FLNA: variants seen among roughly 807,000 people sequenced by gnomAD.
FLNA encodes filamin-A.
FLNA carries 7 observed loss-of-function variants against 157.6 expected under a neutral mutation model. The ratio of observed to expected loss-of-function variants is 0.04; its 90% CI spans 0.03 to 0.08. The LOEUF is 0.08. Among genes scored for constraint, FLNA ranks in the 10% least tolerant of loss-of-function variants. The pLI, the probability that FLNA is intolerant of heterozygous loss-of-function variation, is 1.00. For missense variants in FLNA, 1,750 were observed against 2,398.4 expected, an observed-to-expected ratio of 0.73 and a Z score of 5.65; for synonymous variants, 1,103 against 1,060.8, an observed-to-expected ratio of 1.04 and a Z score of -0.77.
chrX:154,357,307 G>A (rs782541139), intron 29 of FLNA, 33 bp from the exon 30 acceptor site: 2 of 1,206,505 alleles, frequency 1.7e-6, no homozygotes, highest in Non-Finnish European at 2.2e-6. Context: ...AAGGAGAAAG[G>A]TCAGGTGAGT....
chrX:154,354,391 G>A lies in FLNA; in HGVS notation c.5406C>T (p.Gly1802=), dbSNP rs782099907. ...DLVIPFTIKK[G]EITGEVRMPS... ...CAAGTCCCCACTCACCTGTGATCTC[G>A]CCCTTCTTGATGGTGAAGGGGATGA... The change falls in exon 33 of 48, where the codon GGC becomes GGT. Residue 1802 remains glycine (G), a synonymous_variant. Transcript: ENST00000369850. The A allele has an allele frequency of 8.3e-6, 10 of 1,210,920 alleles. No individual in the cohort carries two copies. The East Asian group carries it at 8.9e-5, about 11-fold the overall frequency.
intron 25 of FLNA, 38 bp from the exon 26 acceptor site, chrX:154,359,192 CAG>C: frequency 8.3e-7 from 1 of 1,211,056 alleles, no homozygotes. Flanking sequence ...CTGTATGAGA[CAG>C]GGTGGGGACG....
Position 154,354,015 on chromosome X carries a change from G to A in FLNA, c.5586C>T (p.Tyr1862=), listed in dbSNP as rs782051964. ...AGGCAGTGACATGGCCACAGTTGAC[G>A]TAATCCACATAGAACTGCAAGGGGC... ...PGSPLQFYVD[Y]VNCGHVTAYG... Residue 1862 remains tyrosine (Y), a synonymous_variant, in exon 35 of 48, where the codon TAC becomes TAT. Transcript: ENST00000369850. 1.8e-5 allele frequency: 22 copies of A among 1,210,730 alleles called. No individual in the cohort carries two copies. The highest frequency in any genetic ancestry group is 1.1e-4 in the South Asian group (6 of 56,909).
chrX:154,358,183 T>G lies in FLNA; in HGVS notation c.4755+16A>C, dbSNP rs1557177215. On this transcript the variant is annotated intron_variant, in intron 28 of 47. Transcript: ENST00000369850. The stretch of plus-strand genomic sequence containing the variant: ...CCCAGGCCCCCCTGCCTCCCCTGCC[T>G]GTGCCCGGAGCTCACCGTGATCTGG... 1 of 1,209,040 alleles carries G rather than the reference T, an allele frequency of 8.3e-7. No homozygotes were observed. Among genetic ancestry groups the G allele is most frequent in the African/African-American group, 1.7e-5 (1 of 57,747 alleles).
Position 154,353,345 on chromosome X carries a change from C to T in FLNA, c.5973G>A (p.Ser1991=), listed in dbSNP as rs375252292. 6.0e-5 allele frequency: 73 copies of T among 1,210,658 alleles called. No individual in the cohort carries two copies. The highest frequency in any genetic ancestry group is 3.5e-4 in the African/African-American group (20 of 57,514). The change falls in exon 37 of 48, where the codon TCG becomes TCA. Residue 1991 remains serine, a synonymous_variant. Transcript: ENST00000369850. ...TCAGCAAACAGGGCTCCTCCCGGCCCGAGGGCGGGACCACAGTGGCCGTCA... is the reference window on the plus strand; with the variant it reads ...TCAGCAAACAGGGCTCCTCCCGGCCTGAGGGCGGGACCACAGTGGCCGTCA... ...SLLTATVVPP[S]GREEPCLLKR... is the part of the protein sequence containing the mutation.
rs782244139 is a variant in FLNA at position 154,371,179 on chromosome X, T to C, written c.67A>G (p.Thr23Ala). ...GTGGCCGGCATCTCGGCGTCCCGCG[T>C]GTCGACGCCGCCGCCCGGAGCCGCG... is the stretch of plus-strand genomic sequence containing the variant. ...AGAAPGGGVD[T>A]RDAEMPATEK... The change falls in exon 2 of 48, where the codon ACG becomes GCG. Residue 23 changes from threonine (T) to alanine (A), a missense_variant. By Grantham distance (58) the Thr-to-Ala change is moderately conservative. Around this residue, in one of 5 missense-constraint regions of FLNA, gnomAD observed 58 missense variants for 27.8 expected, o/e 2.09. Coordinates refer to ENST00000369850, the MANE Select transcript of FLNA (RefSeq NM_001110556.2). The C allele has an allele frequency of 3.4e-5, 41 of 1,193,854 alleles. No individual in the cohort carries two copies. The highest frequency in any genetic ancestry group is 4.2e-5 in the Non-Finnish European group (37 of 887,374).
chrX:154,367,533 G>A lies in FLNA; in HGVS notation c.732C>T (p.Pro244=), dbSNP rs371092631. 237 of 1,209,898 alleles carry A rather than the reference G, an allele frequency of 2.0e-4. No homozygotes were observed. The Middle Eastern group carries it at 3.0e-3, about 15-fold the overall frequency. The part of the protein sequence containing the change: ...DWLGIPQVIT[P]EEIVDPNVDE... ...CCACGTTGGGGTCCACAATCTCCTC[G>A]GGGGTGATCACCTGTCACAGGCAGA... The change falls in exon 5 of 48, where the codon CCC becomes CCT. Residue 244 remains proline, a synonymous_variant. Coordinates refer to ENST00000369850, the MANE Select transcript of FLNA (RefSeq NM_001110556.2).
Position 154,359,417 on chromosome X carries a change from C to T in FLNA, c.4143-11G>A. The T allele has an allele frequency of 8.3e-7, 1 of 1,211,792 alleles. No homozygotes were observed. The highest frequency in any genetic ancestry group is 1.8e-5 in the South Asian group (1 of 57,053). ...CCCGTGCCAGCTCCCCTGGTCCAAA[C>T]AGACAGCCGGTCATTCCTGGGGTTC... On this transcript the variant is annotated splice_polypyrimidine_tract_variant and intron_variant, in intron 24 of 47. Transcript: ENST00000369850.
intron 29 of FLNA, 75 bp downstream of exon 29, chrX:154,357,359 C>T: frequency 8.4e-7 from 1 of 1,193,958 alleles, no homozygotes; most frequent in Admixed American, 2.2e-5. Context: ...CCGCCCCAAG[C>T]AGCGAGCCCT....
Position 154,348,794 on chromosome X carries a change from G to A in FLNA, c.*55C>T. On this transcript the variant is annotated 3_prime_UTR_variant, in exon 48 of 48. Transcript: ENST00000369850. ...CCGGGGTTGAGGGGAAGAGGGCGGG[G>A]CTGCTTGGGTAGCGGGGCAGGCTTG... 3.6e-6 allele frequency: 4 copies of A among 1,118,414 alleles called. No individual in the cohort carries two copies. Among genetic ancestry groups the A allele is most frequent in the East Asian group, 3.0e-5 (1 of 33,127 alleles). The allele number at this position is 1,118,414 out of a possible 1,213,427, so 92.2% of individuals were successfully genotyped here. A position where few individuals can be genotyped will look rare whatever the true frequency, so the allele number is the denominator to read the frequency against.
intron 21 of FLNA, 60 bp downstream of exon 21, chrX:154,361,247 CT>C: frequency 8.8e-7 from 1 of 1,138,458 alleles, no homozygotes; most frequent in South Asian, 1.8e-5. Context: ...GATGGGGTAC[CT>C]TTGGGGCCCT....
In FLNA at chrX:154,350,266, G is replaced by A. The variant is rs782757281; in HGVS notation, c.7157-59C>T. 210 of 1,066,243 alleles carry A rather than the reference G, an allele frequency of 2.0e-4. No homozygotes were observed. The African/African-American group carries it at 3.6e-3, about 18-fold the overall frequency. The allele number at this position is 1,066,243 out of a possible 1,213,427, so 87.9% of individuals were successfully genotyped here. A position where few individuals can be genotyped will look rare whatever the true frequency, so the allele number is the denominator to read the frequency against. The stretch of plus-strand genomic sequence containing the variant: ...GCCCCTCCTCAAACCAGCAGATGGT[G>A]TCTGTGAGGAACAGCCTCAACCCTG... On this transcript the variant is annotated intron_variant, in intron 44 of 47. Coordinates refer to ENST00000369850, the MANE Select transcript of FLNA (RefSeq NM_001110556.2).
chrX:154,358,927 G>A, intron 26 of FLNA, 57 bp downstream of exon 26: 17 of 1,169,753 alleles, frequency 1.5e-5, no homozygotes, highest in African/African-American at 7.0e-5. Flanking sequence ...TCCTTTCCCG[G>A]CCCTCAAACA....
Position 154,366,610 on chromosome X carries a change from G to A in FLNA, c.1017C>T (p.Asn339=). 1.7e-6 allele frequency: 2 copies of A among 1,211,942 alleles called. No individual in the cohort carries two copies. The highest frequency in any genetic ancestry group is 2.3e-4 in the Middle Eastern group (1 of 4,352). The change falls in exon 7 of 48, where the codon AAC becomes AAT. Residue 339 remains asparagine (N), a synonymous_variant. Transcript: ENST00000369850. ...GGACGTACCAGACGGAGAAGGTGCG[G>A]TTCTTGTCGTTATTGGCGGTCACTT... ...EAKVTANNDK[N]RTFSVWYVPE...
rs782211275 is a variant in FLNA, at chrX:154,361,777, C to T, written c.2837G>A (p.Gly946Asp). The change falls in exon 20 of 48, where the codon GGC (glycine) becomes GAC (aspartate). Residue 946 changes from glycine (G) to aspartate (D), a missense_variant. By Grantham distance (94) the Gly-to-Asp change is moderately conservative (BLOSUM62 -1). This residue lies in a region of FLNA where 648 missense variants were observed against 805.8 expected (regional missense o/e 0.80). Coordinates refer to ENST00000369850, the MANE Select transcript of FLNA (RefSeq NM_001110556.2). ...KYTPVQQGPV[G>D]VNVTYGGDPI... Reference sequence around the variant, plus strand: ...ATCCCCTCCATAAGTGACATTGACGCCTACTGGACCCTGGGAAGGGTGCAG... The same window carrying T: ...ATCCCCTCCATAAGTGACATTGACGTCTACTGGACCCTGGGAAGGGTGCAG... 8.3e-7 allele frequency: 1 copy of T among 1,200,034 alleles called. No homozygotes were observed. The highest frequency in any genetic ancestry group is 1.8e-5 in the South Asian group (1 of 56,628).
rs782636867 is a variant in FLNA, at chrX:154,362,898, GGCA to G, written c.2281-117_2281-115del. The G allele has an allele frequency of 1.4e-5, 12 of 861,424 alleles. No individual in the cohort carries two copies. The African/African-American group carries it at 2.4e-4, about 17-fold the overall frequency. 71.0% of individuals were successfully genotyped at this position (861,424 alleles called of 1,213,427 possible). A position where few individuals can be genotyped will look rare whatever the true frequency, so the allele number is the denominator to read the frequency against. The stretch of plus-strand genomic sequence containing the variant: ...GGTCCAGCTGCCTTGGGAAGAGTCT[GGCA>G]GTTCCTCAGTTGACCACAGAGGGAC... On this transcript the variant is annotated intron_variant, in intron 15 of 47. Transcript: ENST00000369850.
At position 154,359,515 on chromosome X, in the gene FLNA, T is replaced by A; in HGVS notation, c.4111A>T (p.Asn1371Tyr). 1.7e-6 allele frequency: 2 copies of A among 1,211,613 alleles called. No homozygotes were observed. The highest frequency in any genetic ancestry group is 2.2e-6 in the Non-Finnish European group (2 of 895,513). Residue 1371 changes from asparagine (N) to tyrosine (Y), a missense_variant, in exon 24 of 48, where the codon AAC becomes TAC. Physicochemically the swap from Asn to Tyr is moderately radical, Grantham distance 143 (BLOSUM62 -2). Coordinates refer to ENST00000369850, the MANE Select transcript of FLNA (RefSeq NM_001110556.2). ...HGPGIQSGTT[N>Y]KPNKFTVETR... ...TCCACAGTGAACTTGTTGGGCTTGT[T>A]GGTGGTGCCACTTTGGATGCCTGGC...
At position 154,349,682 on chromosome X, in the gene FLNA, T is replaced by C. The variant is rs971390304; in HGVS notation, c.7519A>G (p.Ile2507Val). 74 of 1,210,222 alleles carry C rather than the reference T, an allele frequency of 6.1e-5. No homozygotes were observed. The highest frequency in any genetic ancestry group is 8.0e-5 in the Non-Finnish European group (72 of 894,905). Residue 2507 changes from isoleucine to valine, a missense_variant, in exon 46 of 48, where the codon ATT becomes GTT. Physicochemically the swap from Ile to Val is conservative, Grantham distance 29. Coordinates refer to ENST00000369850, the MANE Select transcript of FLNA (RefSeq NM_001110556.2). ...ISIKYGGPYH[I>V]GGSPFKAKVT... ...TTGGCCTTGAAGGGGCTGCCCCCAA[T>C]GTGGTAGGGGCCGCCGTACTTGATG...
chrX:154,357,447 C>T lies in FLNA; in HGVS notation c.4932G>A (p.Lys1644=). The stretch of plus-strand genomic sequence containing the variant: ...GGGCGGGCTCACCTGTGACAGTGCA[C>T]TTGCTGGCGTCCCCGGTGGGCACGG... ...VRAVPTGDAS[K]CTVTVSIGGH... is the part of the protein sequence containing the mutation. Residue 1644 remains lysine, a synonymous_variant, in exon 29 of 48, where the codon AAG becomes AAA. Transcript: ENST00000369850. 1.7e-6 allele frequency: 2 copies of T among 1,209,151 alleles called. No individual in the cohort carries two copies. Among genetic ancestry groups the T allele is most frequent in the Non-Finnish European group, 2.2e-6 (2 of 893,237 alleles).
Sources: allele counts gnomAD v4.1 joint callset, GRCh38; gene constraint gnomAD v4.1.1; regional missense constraint gnomAD v4.1.1; transcripts MANE v1.5; gene names NCBI Gene and HGNC (gene_info 2026-07-23, HGNC 2026-07-21).